Variants in LRGUK observed in about 807,000 individuals in gnomAD.
LRGUK encodes leucine rich repeats and guanylate kinase domain containing.
LRGUK carries 65 observed loss-of-function variants against 76.0 expected under a neutral mutation model. That is an observed-to-expected ratio of 0.85 (90% CI 0.70 to 1.05). LRGUK has a LOEUF of 1.05. Ranked by LOEUF, LRGUK falls within the 50% of genes least tolerant of loss-of-function variation. LRGUK has a pLI of 0.00. For missense variants in LRGUK, 758 were observed against 732.8 expected (o/e 1.03, Z -0.40); for synonymous variants, 268 against 265.6 (o/e 1.01, Z -0.09).
At chr7:134,214,469 A>G (rs1801380406), downstream of LRGUK, among the ~76,000 whole-genome samples, 2 of 152,202 alleles carry the variant, frequency 1.3e-5, no homozygotes. Flanking sequence ...GTTTTTTATG[A>G]TAAAATCTAG....
chr7:134,271,954 A>T, the LRGUK span, among the ~76,000 whole-genome samples: 1 of 152,122 alleles, frequency 6.6e-6, no homozygotes, highest in Non-Finnish European at 1.5e-5. Context: ...ATAGTATAAT[A>T]AAAAATAACA....
chr7:134,239,120 C>G (rs1374236363), intron 16 of LRGUK, among the ~76,000 whole-genome samples: 1 of 152,164 alleles, frequency 6.6e-6, no homozygotes, highest in Non-Finnish European at 1.5e-5. Context: ...TGAATAGGAA[C>G]AGCTCCAGTC....
chr7:134,137,704 C>T (rs1432483159), intron 2 of LRGUK, among the ~76,000 whole-genome samples: 1 of 152,160 alleles, frequency 6.6e-6, no homozygotes, highest in Non-Finnish European at 1.5e-5. Flanking sequence ...AAAAGAGAGG[C>T]TGTAAGAGCA....
At chr7:134,139,317 C>T in intron 2 of LRGUK, 119 bp from the exon 3 acceptor site, 1 of 656,324 alleles carries the variant, frequency 1.5e-6, no homozygotes, top group Non-Finnish European at 2.6e-6. Flanking sequence ...TTTGTTCTCT[C>T]TCTTCTTCTA....
chr7:134,134,419 G>A (rs757752273), intron 1 of LRGUK, among the ~76,000 whole-genome samples: 4 of 152,166 alleles, frequency 2.6e-5, no homozygotes, highest in Non-Finnish European at 4.4e-5. Flanking sequence ...GGATTCTGAG[G>A]CCACTCAGGA....
intron 5 of LRGUK, among the ~76,000 whole-genome samples, chr7:134,153,304 C>G (rs1798309764): frequency 1.3e-5 from 2 of 151,414 alleles, no homozygotes; most frequent in African/African-American, 4.9e-5. Context: ...TATAAGATAC[C>G]AATTTTTTTA....
At chr7:134,252,392 A>G (rs1422541772) in intron 18 of LRGUK, among the ~76,000 whole-genome samples, 3 of 150,662 alleles carry the variant, frequency 2.0e-5, no homozygotes, top group African/African-American at 7.3e-5. Flanking sequence ...GGGACCTAAC[A>G]TTCTGGCATA....
exon 20 of LRGUK, chr7:134,263,979 A>G: frequency 6.2e-7 from 1 of 1,606,318 alleles, no homozygotes; most frequent in South Asian, 1.1e-5. Context: ...CAGGTAGACT[A>G]GCACTTGATG....
intron 16 of LRGUK, 136 bp from the exon 17 acceptor site, chr7:134,247,420 T>G: frequency 1.8e-6 from 1 of 546,950 alleles, no homozygotes; most frequent in South Asian, 3.2e-5. Context: ...GAATATCAAT[T>G]GTTTTTTATG....
At position 134,175,269 on chromosome 7, in the gene LRGUK, T is replaced by C. The variant is rs530351561; in HGVS notation, c.1020+633T>C. ...CTCTCCTTGTCTGTTTGTCCTTCAT[T>C]CCATTCTTCTACCTGTATCCTTCAC... On this transcript the variant is annotated intron_variant, in intron 8 of 15. Transcript: ENST00000645682. Among the ~76,000 whole-genome samples, 48 of 152,284 alleles carry C rather than the reference T, an allele frequency of 3.2e-4. 1 individual carries two copies. Among genetic ancestry groups the C allele is most frequent in the African/African-American group, 9.6e-4 (40 of 41,564 alleles).
At chr7:134,265,222 T>C (rs1404003847), downstream of LRGUK, among the ~76,000 whole-genome samples, 3 of 152,202 alleles carry the variant, frequency 2.0e-5, no homozygotes, top group South Asian at 2.1e-4. Context: ...AAAAAAATTA[T>C]GAAATATTTT....
intron 1 of LRGUK, among the ~76,000 whole-genome samples, chr7:134,131,280 A>G (rs1377260853): frequency 1.3e-5 from 2 of 152,254 alleles, no homozygotes; most frequent in Admixed American, 6.5e-5. Context: ...GACTTTCAAA[A>G]AATTATAGCT....
chr7:134,140,562 A>G (rs974240028), intron 3 of LRGUK, among the ~76,000 whole-genome samples: 1 of 152,156 alleles, frequency 6.6e-6, no homozygotes, highest in African/African-American at 2.4e-5. Context: ...TTTCTAGGGA[A>G]GTGAGCAAAT....
chr7:134,138,335 G>C (rs75475926), intron 2 of LRGUK, among the ~76,000 whole-genome samples: 2 of 152,046 alleles, frequency 1.3e-5, no homozygotes, highest in Non-Finnish European at 2.9e-5. Flanking sequence ...GATATTACAC[G>C]TTGAATTACT....
At chr7:134,159,083 A>G (rs1260836119) in intron 6 of LRGUK, among the ~76,000 whole-genome samples, 1 of 152,164 alleles carries the variant, frequency 6.6e-6, no homozygotes, top group Non-Finnish European at 1.5e-5. Context: ...CATGCCTGTA[A>G]TCGCAGCACT....
intron 10 of LRGUK, among the ~76,000 whole-genome samples, chr7:134,180,326 AT>A (rs1305618396): frequency 6.7e-5 from 10 of 150,128 alleles, no homozygotes; most frequent in African/African-American, 2.5e-4. Flanking sequence ...CCATCCATCC[AT>A]CCATCCATCC....
chr7:134,199,076 A>G (rs934335794), intron 13 of LRGUK, 144 bp from the exon 14 acceptor site: 1 of 576,266 alleles, frequency 1.7e-6, no homozygotes. Flanking sequence ...ATTTATAGAA[A>G]AATAGTAGCT....
At chr7:134,183,198 C>T (rs561616101) in intron 10 of LRGUK, among the ~76,000 whole-genome samples, 1 of 152,248 alleles carries the variant, frequency 6.6e-6, no homozygotes, top group Non-Finnish European at 1.5e-5. Context: ...TTTCTTCATA[C>T]GTTAAAAGGG....
intron 12 of LRGUK, among the ~76,000 whole-genome samples, chr7:134,192,424 A>G (rs539703997): frequency 4.6e-5 from 7 of 152,282 alleles, no homozygotes; most frequent in Non-Finnish European, 5.9e-5. Context: ...GCATTAGTCT[A>G]TTTCACAGGC....
Sources: allele counts gnomAD v4.1 joint callset (sites outside exome capture counted in the v4.1 genomes callset), GRCh38; gene constraint gnomAD v4.1.1; transcripts MANE v1.5; gene names NCBI Gene and HGNC (gene_info 2026-07-23, HGNC 2026-07-21).